Variants in RNF138 observed in about 807,000 individuals in gnomAD.
The protein encoded by RNF138 is ring finger protein 138, also known as E3 ubiquitin-protein ligase RNF138.
Under a neutral mutation model 31.0 loss-of-function variants are expected in RNF138, and 12 were observed. That is an observed-to-expected ratio of 0.39 (90% CI 0.25 to 0.63). The LOEUF (loss-of-function observed/expected upper bound fraction) is 0.63. Among genes scored for constraint, RNF138 ranks in the 20% least tolerant of loss-of-function variants. The pLI, the probability that RNF138 is intolerant of heterozygous loss-of-function variation, is 0.52. For synonymous variants in RNF138, 105 were observed against 99.5 expected (o/e 1.06, Z -0.33); for missense variants, 192 against 300.1 (o/e 0.64, Z 2.66).
At chr18:32,100,251 A>G (rs2039903928) in intron 2 of RNF138, among the ~76,000 whole-genome samples, 1 of 151,262 alleles carries the variant, frequency 6.6e-6, no homozygotes, top group Middle Eastern at 3.5e-3. Context: ...GGGAAGGAAC[A>G]GTAAAATTGG....
chr18:32,115,747 ACACACACACACG>A (rs1015324133), intron 4 of RNF138, among the ~76,000 whole-genome samples: 11 of 151,958 alleles, frequency 7.2e-5, no homozygotes, highest in African/African-American at 2.4e-4. Flanking sequence ...TCCGTCTAAA[ACACACACACACG>A]CACACACACG....
At chr18:32,124,084 T>A (rs2040348950) in intron 5 of RNF138, 1 of 152,618 alleles carries the variant, frequency 6.6e-6, no homozygotes, top group Admixed American at 6.5e-5. Context: ...GTTTAGTTAT[T>A]CTCTTTCACT....
At chr18:32,124,108 T>A (rs1017878178) in intron 5 of RNF138, 1 of 152,668 alleles carries the variant, frequency 6.6e-6, no homozygotes, top group Non-Finnish European at 1.5e-5. Flanking sequence ...GTCAGGTTTC[T>A]TCCACACACG....
chr18:32,117,931 C>T (rs2040243242), intron 4 of RNF138, among the ~76,000 whole-genome samples: 1 of 152,142 alleles, frequency 6.6e-6, no homozygotes, highest in South Asian at 2.1e-4. Flanking sequence ...TGAATGTAAT[C>T]ATTAAGATAC....
intron 2 of RNF138, among the ~76,000 whole-genome samples, chr18:32,094,938 G>C (rs2039778402): frequency 2.0e-5 from 3 of 152,082 alleles, no homozygotes; most frequent in African/African-American, 4.8e-5. Flanking sequence ...TTTAAATCAA[G>C]GTTTATAATT....
At position 32,129,571 on chromosome 18, in the gene RNF138, A is replaced by C. The variant is rs2040439973; in HGVS notation, c.*384A>C. The C allele has an allele frequency of 6.2e-6, 1 of 161,342 alleles. No individual in the cohort carries two copies. The highest frequency in any genetic ancestry group is 1.4e-5 in the Non-Finnish European group (1 of 73,210). 10.0% of individuals were successfully genotyped at this position (161,342 alleles called of 1,614,324 possible). On this transcript the variant is annotated 3_prime_UTR_variant, in exon 8 of 8. Coordinates refer to ENST00000261593, the MANE Select transcript of RNF138 (RefSeq NM_016271.5). ...AACACACAGTAGCAAATTTTGAACG[A>C]TGTGATTGATATAACCTAACAAATC...
intron 7 of RNF138, among the ~76,000 whole-genome samples, chr18:32,128,531 G>A (rs2040419856): frequency 6.6e-6 from 1 of 152,002 alleles, no homozygotes; most frequent in South Asian, 2.1e-4. Flanking sequence ...GAGCCAAACT[G>A]CCCCCCAAAA....
chr18:32,122,115 C>T (rs1021032955), intron 4 of RNF138, among the ~76,000 whole-genome samples: 3 of 152,120 alleles, frequency 2.0e-5, no homozygotes, highest in African/African-American at 7.2e-5. Context: ...GATCCACCCG[C>T]CTCAGCCTTG....
chr18:32,123,495 C>A, intron 4 of RNF138, 23 bp from the exon 5 acceptor site: 1 of 1,516,602 alleles, frequency 6.6e-7, no homozygotes, highest in Non-Finnish European at 8.9e-7. Flanking sequence ...GAGGTATTAA[C>A]TTTTTCCCCT....
chr18:32,101,214 C>CT (rs781488612), intron 2 of RNF138, among the ~76,000 whole-genome samples: 19,436 of 137,652 alleles, frequency 0.14, 1,751 homozygotes, highest in East Asian at 0.25. Flanking sequence ...TTATAGGTTT[C>CT]TTTTTTTTTT....
intron 2 of RNF138, among the ~76,000 whole-genome samples, chr18:32,097,978 TATTTTTG>T (rs1429869998): frequency 8.6e-5 from 2 of 23,224 alleles, no homozygotes; most frequent in African/African-American, 3.2e-4. Flanking sequence ...GTGTGTGTGT[TATTTTTG>T]TTTGTTTGTT....
chr18:32,110,766 T>C (rs1224951355), intron 2 of RNF138, among the ~76,000 whole-genome samples: 1 of 152,050 alleles, frequency 6.6e-6, no homozygotes, highest in Non-Finnish European at 1.5e-5. Flanking sequence ...AATTAGAAAG[T>C]TGGTTATAAA....
At chr18:32,125,292 T>TA (rs1189086668) in intron 6 of RNF138, 1 of 153,260 alleles carries the variant, frequency 6.5e-6, no homozygotes, top group African/African-American at 2.4e-5. Flanking sequence ...TGTGAATGCA[T>TA]AAAGCAAGGA....
intron 4 of RNF138, among the ~76,000 whole-genome samples, chr18:32,122,803 G>C (rs945879177): frequency 1.3e-5 from 2 of 152,116 alleles, no homozygotes; most frequent in South Asian, 2.1e-4. Flanking sequence ...CAGCCTGGGC[G>C]ACAGATTGAG....
chr18:32,112,678 G>T (rs2040151783), intron 3 of RNF138, among the ~76,000 whole-genome samples: 1 of 151,976 alleles, frequency 6.6e-6, no homozygotes, highest in Non-Finnish European at 1.5e-5. Context: ...GCGAAACGCT[G>T]TCTAAAAAAA....
chr18:32,111,344 C>G (rs1301159497), intron 2 of RNF138, among the ~76,000 whole-genome samples: 2 of 152,110 alleles, frequency 1.3e-5, no homozygotes, highest in African/African-American at 2.4e-5. Context: ...TGTTACTCAT[C>G]CTTTTATTTT....
intron 2 of RNF138, among the ~76,000 whole-genome samples, chr18:32,102,262 C>T (rs1303619032): frequency 1.5e-5 from 2 of 129,974 alleles, no homozygotes; most frequent in East Asian, 4.8e-4. Flanking sequence ...AGTGCAGTGG[C>T]GCGATGTCGG....
At chr18:32,112,638 C>T (rs940146977) in intron 3 of RNF138, among the ~76,000 whole-genome samples, 6 of 152,166 alleles carry the variant, frequency 3.9e-5, no homozygotes, top group African/African-American at 9.6e-5. Flanking sequence ...GCTGAGATTG[C>T]GCCATTGCAC....
rs758984216 is a variant in RNF138 at position 32,092,712 on chromosome 18, C to A, written c.-65C>A. The A allele has an allele frequency of 2.0e-6, 2 of 1,019,004 alleles. No homozygotes were observed. Among genetic ancestry groups the A allele is most frequent in the Non-Finnish European group, 3.0e-6 (2 of 676,268 alleles). 63.1% of individuals were successfully genotyped at this position (1,019,004 alleles called of 1,614,324 possible). A position where few individuals can be genotyped will look rare whatever the true frequency, so the allele number is the denominator to read the frequency against. On this transcript the variant is annotated 5_prime_UTR_variant, in exon 2 of 8. Transcript: ENST00000261593. ...CGGGTTCATGTAGGGAGTCGGGCCC[C>A]GGGCCGCCACCGTCACCTCGGCCGC... is the stretch of plus-strand genomic sequence containing the variant.
Sources: gnomAD v4.1 joint callset for allele counts (sites outside exome capture counted in the v4.1 genomes callset) on GRCh38, gnomAD v4.1.1 for gene constraint, MANE v1.5 for transcripts, NCBI Gene and HGNC (gene_info 2026-07-23, HGNC 2026-07-21) for gene names.